The following DENND4A variants were observed in gnomAD, a reference collection of about 807,000 sequenced individuals.
DENND4A encodes C-myc promoter-binding protein.
In DENND4A, 70 loss-of-function variants were observed where a neutral mutation model predicts 199.3. The observed-to-expected ratio is 0.35, with a 90% CI of 0.29 to 0.43. The LOEUF is 0.43. Ranked by LOEUF, DENND4A falls within the 20% of genes least tolerant of loss-of-function variation. The probability of loss-of-function intolerance (pLI) is 1.00; values close to 1 mark genes in which losing one functional copy is unlikely to be tolerated. For missense variants in DENND4A, 1,723 were observed against 2,255.8 expected (o/e 0.76, Z 4.78); for synonymous variants, 686 against 766.9 (o/e 0.89, Z 1.74).
intron 5 of DENND4A, among the ~76,000 whole-genome samples, chr15:65,741,018 C>T (rs1277629999): frequency 6.6e-6 from 1 of 151,898 alleles, no homozygotes; most frequent in Non-Finnish European, 1.5e-5. Context: ...TCTAAACACA[C>T]ACGTATATAA....
chr15:65,673,298 G>T (rs972147791), intron 24 of DENND4A, among the ~76,000 whole-genome samples: 1 of 151,826 alleles, frequency 6.6e-6, no homozygotes, highest in Admixed American at 6.6e-5. Context: ...TGAAAACCCT[G>T]TTTCTACAAA....
At chr15:65,709,719 A>AAAAAAAAAT (rs1218030026) in intron 14 of DENND4A, among the ~76,000 whole-genome samples, 1 of 51,470 alleles carries the variant, frequency 1.9e-5, no homozygotes, top group Non-Finnish European at 3.1e-5. Flanking sequence ...AAAAAAAAAA[A>AAAAAAAAAT]ATATATATAT....
chr15:65,698,726 CTTTTTTTTTTTTTTTT>C (rs71139423), intron 20 of DENND4A, among the ~76,000 whole-genome samples: 1 of 72,746 alleles, frequency 1.4e-5, no homozygotes, highest in African/African-American at 5.8e-5. Flanking sequence ...TTAAGATAGC[CTTTTTTTTTTTTTTTT>C]TTTTTTTTTT....
At position 65,734,860 on chromosome 15, in the gene DENND4A, T is replaced by G. The variant is rs140882556; in HGVS notation, c.1041-2042A>C. Among the ~76,000 whole-genome samples, 104 of 152,226 alleles carry G rather than the reference T, an allele frequency of 6.8e-4. 1 individual carries two copies. The East Asian group carries it at 0.017, about 25-fold the overall frequency. Reference sequence around the variant, plus strand: ...ACTTTGGGAGGCTGAGGCGAGTGAATTGATTGAGCCTAGGAGTTCAAGACC... The same window carrying G: ...ACTTTGGGAGGCTGAGGCGAGTGAAGTGATTGAGCCTAGGAGTTCAAGACC... On this transcript the variant is annotated intron_variant, in intron 7 of 32. Transcript: ENST00000443035.
intron 13 of DENND4A, among the ~76,000 whole-genome samples, chr15:65,716,698 A>G (rs986392073): frequency 1.3e-5 from 2 of 151,906 alleles, no homozygotes; most frequent in African/African-American, 2.4e-5. Flanking sequence ...TAGTGCCGCA[A>G]TAAACATACG....
At chr15:65,722,043 A>C (rs1204206905) in intron 12 of DENND4A, among the ~76,000 whole-genome samples, 1 of 152,222 alleles carries the variant, frequency 6.6e-6, no homozygotes, top group Admixed American at 6.5e-5. Flanking sequence ...GGCACACAGA[A>C]AAATAAAAAA....
At chr15:65,673,598 A>G (rs2076282269) in intron 24 of DENND4A, among the ~76,000 whole-genome samples, 1 of 151,160 alleles carries the variant, frequency 6.6e-6, no homozygotes, top group Non-Finnish European at 1.5e-5. Flanking sequence ...CAGACTAAAG[A>G]CTTGATTGCT....
At chr15:65,747,611 T>C (rs2076435947) in intron 4 of DENND4A, among the ~76,000 whole-genome samples, 1 of 152,032 alleles carries the variant, frequency 6.6e-6, no homozygotes, top group Non-Finnish European at 1.5e-5. Flanking sequence ...ATTGAGAGGG[T>C]TAAAACCAAA....
At chr15:65,667,877 T>A (rs1843587800) in intron 28 of DENND4A, 48 bp downstream of exon 28, 1 of 1,570,000 alleles carries the variant, frequency 6.4e-7, no homozygotes, top group African/African-American at 1.4e-5. Context: ...AACAAAATCA[T>A]ACGTAAGTGA....
At chr15:65,735,800 T>C (rs1432237938) in intron 7 of DENND4A, among the ~76,000 whole-genome samples, 6 of 152,024 alleles carry the variant, frequency 3.9e-5, no homozygotes, top group African/African-American at 1.4e-4. Context: ...GTTTGAAAGA[T>C]GACTGACAGG....
At chr15:65,691,585 T>A (rs530889748) in intron 22 of DENND4A, 74 bp from the exon 23 acceptor site, 1 of 1,407,576 alleles carries the variant, frequency 7.1e-7, no homozygotes, top group Non-Finnish European at 9.4e-7. Context: ...TATTTAAAAT[T>A]CTAGTGATGA....
In DENND4A at chr15:65,711,059, A is replaced by T. The variant is rs141116273; in HGVS notation, c.1953+4419T>A. ...TTTTATTAGTTCTCCAGATGCAGGT[A>T]TTTCTTTACGGCAACACAAGAAGGG... On this transcript the variant is annotated intron_variant, in intron 14 of 32. Transcript: ENST00000443035. Among the ~76,000 whole-genome samples, 696 of 152,310 alleles carry T rather than the reference A, an allele frequency of 4.6e-3. 7 individuals are homozygous for T. The highest frequency in any genetic ancestry group is 0.016 in the African/African-American group (671 of 41,564).
In DENND4A at chr15:65,679,900, T is replaced by C. The variant is rs998107636; in HGVS notation, c.4180-3266A>G. Among the ~76,000 whole-genome samples the C allele has an allele frequency of 2.0e-5, 3 of 152,186 alleles. No individual in the cohort carries two copies. In the South Asian group the frequency reaches 6.2e-4, roughly 32 times the overall value. On this transcript the variant is annotated intron_variant, in intron 23 of 32. Transcript: ENST00000443035. ...ACTTTGGTTGGTGGGTACTTCAGTA[T>C]ATTTTAAGTAGAGTGGGGCTTCCTT...
At chr15:65,743,910 T>C (rs1192759315) in intron 4 of DENND4A, among the ~76,000 whole-genome samples, 2 of 151,942 alleles carry the variant, frequency 1.3e-5, no homozygotes, top group East Asian at 2.0e-4. Flanking sequence ...TTAAGGATTT[T>C]GGCTTCTATT....
chr15:65,663,399 G>A (rs935091005), intron 32 of DENND4A, among the ~76,000 whole-genome samples: 1 of 151,622 alleles, frequency 6.6e-6, no homozygotes, highest in Non-Finnish European at 1.5e-5. Flanking sequence ...AGTAGAGATG[G>A]GGTTTCACCA....
At chr15:65,687,456 C>A (rs1730109287) in intron 23 of DENND4A, among the ~76,000 whole-genome samples, 1 of 151,730 alleles carries the variant, frequency 6.6e-6, no homozygotes, top group African/African-American at 2.4e-5. Context: ...AGCTATTTAC[C>A]ATTTATTTTG....
intron 25 of DENND4A, 33 bp from the exon 26 acceptor site, chr15:65,670,221 C>T (rs2141880339): frequency 7.0e-7 from 1 of 1,421,594 alleles, no homozygotes; most frequent in Non-Finnish European, 9.3e-7. Flanking sequence ...ATAAAGAAAG[C>T]TGGTTAATTC....
intron 1 of DENND4A, among the ~76,000 whole-genome samples, chr15:65,779,349 G>A (rs1339351573): frequency 6.6e-6 from 1 of 150,716 alleles, no homozygotes; most frequent in Non-Finnish European, 1.5e-5. Context: ...CCAGCTACTC[G>A]GGAGGCTGAG....
chr15:65,787,320 C>T (rs949059876), intron 1 of DENND4A, among the ~76,000 whole-genome samples: 4 of 152,144 alleles, frequency 2.6e-5, no homozygotes, highest in African/African-American at 9.7e-5. Flanking sequence ...TCAAGAGAGA[C>T]AGGTTTTAAC....
Sources: gnomAD v4.1 joint callset for allele counts (sites outside exome capture counted in the v4.1 genomes callset) on GRCh38, gnomAD v4.1.1 for gene constraint, MANE v1.5 for transcripts, NCBI Gene and HGNC (gene_info 2026-07-23, HGNC 2026-07-21) for gene names.